Variants in CDC14B observed in about 807,000 individuals in gnomAD.
CDC14B encodes cell division cycle 14B, also known as dual specificity protein phosphatase CDC14B.
CDC14B carries 22 observed loss-of-function variants against 64.2 expected under a neutral mutation model. The ratio of observed to expected loss-of-function variants is 0.34; its 90% CI spans 0.24 to 0.49. The LOEUF is 0.49. CDC14B is among the 20% of genes least tolerant of loss of function. The probability of loss-of-function intolerance (pLI) is 0.99; values close to 1 mark genes in which losing one functional copy is unlikely to be tolerated. For synonymous variants in CDC14B, 191 were observed against 215.8 expected (o/e 0.89, Z 1.01); for missense variants, 498 against 629.9 (o/e 0.79, Z 2.24).
At chr9:96,604,171 C>A (rs1042786386) in intron 1 of CDC14B, among the ~76,000 whole-genome samples, 5 of 151,966 alleles carry the variant, frequency 3.3e-5, no homozygotes, top group Non-Finnish European at 5.9e-5. Context: ...GAAGTCAGGA[C>A]CTGTCACTGG....
At position 96,565,435 on chromosome 9, in the gene CDC14B, T is replaced by A. The variant is rs1183928086; in HGVS notation, c.209A>T (p.Asn70Ile). 1.9e-6 allele frequency: 3 copies of A among 1,611,762 alleles called. No individual in the cohort carries two copies. The highest frequency in any genetic ancestry group is 3.3e-5 in the Admixed American group (2 of 59,968). The change falls in exon 2 of 14, where the codon AAT (asparagine) becomes ATT (isoleucine). Residue 70 changes from asparagine (N) to isoleucine (I), a missense_variant. By Grantham distance (149) the Asn-to-Ile change is moderately radical (BLOSUM62 -3). Coordinates refer to ENST00000375241, the MANE Select transcript of CDC14B (RefSeq NM_033331.4). ...ATTATCTATGCTGAAATAATGTACA[T>A]TTGATGCACTCTTTGGTCTGCTGTA... is the stretch of plus-strand genomic sequence containing the variant. ...ILYSRPKSAS[N>I]VHYFSIDNEL...
intron 1 of CDC14B, among the ~76,000 whole-genome samples, chr9:96,597,919 G>A (rs1245401797): frequency 1.3e-5 from 2 of 152,200 alleles, no homozygotes; most frequent in East Asian, 1.9e-4. Context: ...GCTAGGATGG[G>A]AGAAATGGAA....
At position 96,522,543 on chromosome 9, in the gene CDC14B, T is replaced by C. The variant is rs1175995205; in HGVS notation, c.1306A>G (p.Ser436Gly). 1 of 1,613,754 alleles carries C rather than the reference T, an allele frequency of 6.2e-7. No individual in the cohort carries two copies. Among genetic ancestry groups the C allele is most frequent in the East Asian group, 2.2e-5 (1 of 44,882 alleles). ...TQGDRLRALK[S>G]RRQSKTNAIP... is the part of the protein sequence containing the mutation. ...GCGTTTGTTTTGGATTGTCTTCTGC[T>C]TTTCAAGGCCCGAAGTCTATCACCT... is the stretch of plus-strand genomic sequence containing the variant. Residue 436 changes from serine (S) to glycine (G), a missense_variant, in exon 12 of 14, where the codon AGC becomes GGC. By Grantham distance (56) the Ser-to-Gly change is moderately conservative. Transcript: ENST00000375241.
chr9:96,583,820 A>G (rs1280646132), intron 1 of CDC14B, among the ~76,000 whole-genome samples: 1 of 151,276 alleles, frequency 6.6e-6, no homozygotes, highest in African/African-American at 2.4e-5. Flanking sequence ...CCGGGTTCAC[A>G]CCATTCTCCT....
At chr9:96,513,624 A>G (rs1481353907) in intron 12 of CDC14B, among the ~76,000 whole-genome samples, 1 of 152,214 alleles carries the variant, frequency 6.6e-6, no homozygotes, top group Non-Finnish European at 1.5e-5. Flanking sequence ...AACACGGCAA[A>G]GCCAAAAACT....
rs1190965928 is a variant in CDC14B, at chr9:96,603,191, C to CACAT, written c.160+16027_160+16028insATGT. Among the ~76,000 whole-genome samples the CACAT allele has an allele frequency of 1.0e-4, 15 of 150,568 alleles. No homozygotes were observed. The South Asian group carries it at 2.3e-3, about 23-fold the overall frequency. On this transcript the variant is annotated intron_variant, in intron 1 of 13. Coordinates refer to ENST00000375241, the MANE Select transcript of CDC14B (RefSeq NM_033331.4). ...ACACACACACACACACACACACACA[C>CACAT]AAATACACAAAACATCTCTGGTAAG...
chr9:96,542,860 T>G (rs1840265531), intron 5 of CDC14B, among the ~76,000 whole-genome samples: 1 of 150,742 alleles, frequency 6.6e-6, no homozygotes, highest in Non-Finnish European at 1.5e-5. Context: ...AATACAAAAA[T>G]TAGCCAGGCA....
chr9:96,555,863 A>G (rs1842434271), intron 4 of CDC14B, among the ~76,000 whole-genome samples: 1 of 152,020 alleles, frequency 6.6e-6, no homozygotes, highest in Non-Finnish European at 1.5e-5. Context: ...TTCTAAAATC[A>G]CCATCTGCAT....
intron 1 of CDC14B, among the ~76,000 whole-genome samples, chr9:96,574,837 T>C (rs1233163840): frequency 1.3e-5 from 2 of 152,126 alleles, no homozygotes; most frequent in Non-Finnish European, 2.9e-5. Context: ...ATTTAGAATT[T>C]ACAAAGCACC....
At chr9:96,599,856 CA>C (rs1846317260) in intron 1 of CDC14B, among the ~76,000 whole-genome samples, 2 of 152,024 alleles carry the variant, frequency 1.3e-5, no homozygotes, top group African/African-American at 4.8e-5. Flanking sequence ...CTCACCCTCC[CA>C]AGTAGCTGGG....
intron 7 of CDC14B, among the ~76,000 whole-genome samples, chr9:96,537,352 C>T (rs906360187): frequency 6.6e-5 from 10 of 151,576 alleles, no homozygotes; most frequent in Middle Eastern, 6.8e-3. Context: ...TTTTTTGGTC[C>T]GGCTGGTTTG....
chr9:96,538,844 A>C, intron 7 of CDC14B: 1 of 436,256 alleles, frequency 2.3e-6, no homozygotes, highest in Admixed American at 4.0e-5. Flanking sequence ...TGTATGCTTG[A>C]AATCTGCTAG....
rs145424838 is a variant in CDC14B at position 96,538,682 on chromosome 9, C to T, written c.627+396G>A. ...CAAGGCTGCAGTGAGCCATGTATAC[C>T]ACTGCACTTCAGCCTAGGTAACAGA... On this transcript the variant is annotated intron_variant, in intron 7 of 13. Coordinates refer to ENST00000375241, the MANE Select transcript of CDC14B (RefSeq NM_033331.4). 870 of 178,672 alleles carry T rather than the reference C, an allele frequency of 4.9e-3. 21 individuals are homozygous for T. The highest frequency in any genetic ancestry group is 0.041 in the South Asian group (321 of 7,864). The allele number at this position is 178,672 out of a possible 1,614,324, so 11.1% of individuals were successfully genotyped here.
At chr9:96,495,156 G>C (rs1833195586), downstream of CDC14B, among the ~76,000 whole-genome samples, 1 of 152,042 alleles carries the variant, frequency 6.6e-6, no homozygotes, top group Non-Finnish European at 1.5e-5. Flanking sequence ...TTACAAAACT[G>C]TGCCCAATCC....
At chr9:96,607,001 T>C (rs1846989909) in intron 1 of CDC14B, among the ~76,000 whole-genome samples, 2 of 151,384 alleles carry the variant, frequency 1.3e-5, no homozygotes, top group South Asian at 4.2e-4. Flanking sequence ...CATTCCAGCT[T>C]GGCCAAGAGA....
chr9:96,520,476 G>A (rs1056844225), intron 12 of CDC14B, among the ~76,000 whole-genome samples: 2 of 152,114 alleles, frequency 1.3e-5, no homozygotes, highest in African/African-American at 4.8e-5. Context: ...CTCCCGCATA[G>A]CCTGGTCTAC....
chr9:96,511,915 A>G (rs1564203038), intron 12 of CDC14B, among the ~76,000 whole-genome samples: 1 of 152,172 alleles, frequency 6.6e-6, no homozygotes, highest in Non-Finnish European at 1.5e-5. Context: ...CATTTTAAGC[A>G]ATTCCCACAC....
chr9:96,617,149 A>G (rs934644050), intron 1 of CDC14B, among the ~76,000 whole-genome samples: 2 of 151,474 alleles, frequency 1.3e-5, no homozygotes, highest in African/African-American at 4.9e-5. Context: ...TATTGTGAAG[A>G]GCAAAAGAAC....
chr9:96,532,840 T>C (rs930649053), intron 9 of CDC14B, among the ~76,000 whole-genome samples: 4 of 152,220 alleles, frequency 2.6e-5, no homozygotes, highest in African/African-American at 9.6e-5. Flanking sequence ...GATATTAGTA[T>C]TTCTTCATAA....
Sources: allele counts gnomAD v4.1 joint callset (sites outside exome capture counted in the v4.1 genomes callset), GRCh38; gene constraint gnomAD v4.1.1; transcripts MANE v1.5; gene names NCBI Gene and HGNC (gene_info 2026-07-23, HGNC 2026-07-21).